Variants in SLC36A1 observed in about 807,000 individuals in gnomAD.
SLC36A1 encodes proton-coupled amino acid transporter 1.
Under a neutral mutation model 47.5 loss-of-function variants are expected in SLC36A1, and 30 were observed. The ratio of observed to expected loss-of-function variants is 0.63; its 90% CI spans 0.47 to 0.86. The LOEUF is 0.86. Among genes scored for constraint, SLC36A1 ranks in the 40% least tolerant of loss-of-function variants. The pLI, the probability that SLC36A1 is intolerant of heterozygous loss-of-function variation, is 0.00. For missense variants in SLC36A1, 517 were observed against 606.0 expected, an observed-to-expected ratio of 0.85 and a Z score of 1.54; for synonymous variants, 255 against 249.7, an observed-to-expected ratio of 1.02 and a Z score of -0.20.
chr5:151,552,682 G>C, the SLC36A1 span, among the ~76,000 whole-genome samples: 3 of 152,222 alleles, frequency 2.0e-5, no homozygotes, highest in African/African-American at 7.2e-5. Context: ...TAGAGACAGA[G>C]AGGAATTTCA....
At chr5:151,538,822 G>A in the SLC36A1 span, among the ~76,000 whole-genome samples, 2 of 151,732 alleles carry the variant, frequency 1.3e-5, no homozygotes, top group Non-Finnish European at 2.9e-5. Flanking sequence ...GAGTACAGGT[G>A]CGTGCCACCA....
the SLC36A1 span, among the ~76,000 whole-genome samples, chr5:151,356,389 G>A: frequency 7.5e-6 from 1 of 133,762 alleles, no homozygotes; most frequent in African/African-American, 2.7e-5. Context: ...TAAAGTGCTA[G>A]AAGAAAAGTG....
At chr5:151,469,200 C>T (rs1488623548) in intron 7 of SLC36A1, 2 of 690,514 alleles carry the variant, frequency 2.9e-6, no homozygotes, top group East Asian at 2.7e-5. Flanking sequence ...CACCCCGAGT[C>T]TCCTCTCAGG....
the SLC36A1 span, among the ~76,000 whole-genome samples, chr5:151,405,540 G>T: frequency 6.6e-6 from 1 of 151,760 alleles, no homozygotes; most frequent in Non-Finnish European, 1.5e-5. Context: ...CAGCTTTCTT[G>T]CCGTTCTATA....
At chr5:151,436,152 C>T (rs557650306), upstream of SLC36A1, among the ~76,000 whole-genome samples, 1 of 152,084 alleles carries the variant, frequency 6.6e-6, no homozygotes, top group Admixed American at 6.5e-5. Context: ...ATGCACAGAT[C>T]TTAAGTGTAC....
chr5:151,479,646 C>G, intron 10 of SLC36A1, 157 bp downstream of exon 10: 1 of 697,520 alleles, frequency 1.4e-6, no homozygotes, highest in Admixed American at 2.9e-5. Flanking sequence ...TGAGGCACCT[C>G]CAGATGGGGA....
chr5:151,542,350 G>A, the SLC36A1 span: 15 of 1,613,912 alleles, frequency 9.3e-6, no homozygotes, highest in Middle Eastern at 1.7e-4. Flanking sequence ...CTTTAGAGTC[G>A]CCACCAGTTC....
At chr5:151,512,826 G>C in the SLC36A1 span, 4 of 572,356 alleles carry the variant, frequency 7.0e-6, no homozygotes, top group East Asian at 8.7e-5. This position sits in a 1 kb window ranked among gnomAD's most constrained non-coding sequence, Gnocchi z 4.1. Context: ...GGTCTGGGTA[G>C]GGGGTGACAT....
At chr5:151,385,393 C>G in the SLC36A1 span, among the ~76,000 whole-genome samples, 1 of 152,208 alleles carries the variant, frequency 6.6e-6, no homozygotes, top group Admixed American at 6.5e-5. Context: ...ATTTTTAAAC[C>G]TTGTTCTTTG....
chr5:151,473,814 C>T (rs2127517122), intron 8 of SLC36A1, 43 bp downstream of exon 8: 1 of 1,407,006 alleles, frequency 7.1e-7, no homozygotes. Flanking sequence ...CTCTGGTGCC[C>T]TTGGTGTTCT....
the SLC36A1 span, chr5:151,529,445 G>A: frequency 1.4e-5 from 22 of 1,520,444 alleles, no homozygotes; most frequent in African/African-American, 6.8e-5. Flanking sequence ...CCTCAAAGGC[G>A]CAGGACTGAG....
chr5:151,466,927 G>C (rs1055487269), intron 5 of SLC36A1, among the ~76,000 whole-genome samples: 2 of 152,146 alleles, frequency 1.3e-5, no homozygotes, highest in African/African-American at 4.8e-5. Context: ...TCTCCTGCCA[G>C]GGCATCTCGT....
the SLC36A1 span, among the ~76,000 whole-genome samples, chr5:151,362,990 C>T: frequency 6.6e-6 from 1 of 152,140 alleles, no homozygotes; most frequent in African/African-American, 2.4e-5. Context: ...ACTGTTATTT[C>T]TTGTGGATGT....
At position 151,462,149 on chromosome 5, in the gene SLC36A1, C is replaced by T. The variant is rs1755613713; in HGVS notation, c.144-1404C>T. 2.0e-5 allele frequency among the ~76,000 whole-genome samples: 3 copies of T among 151,958 alleles called. No individual in the cohort carries two copies. The South Asian group carries it at 6.2e-4, about 32-fold the overall frequency. On this transcript the variant is annotated intron_variant, in intron 2 of 10. Transcript: ENST00000243389. Reference sequence around the variant, plus strand: ...TTCAAGCAAAATTAGGAAAAAAAACCAACTTGTATCCAGTACCATGAGCTT... The same window carrying T: ...TTCAAGCAAAATTAGGAAAAAAAACTAACTTGTATCCAGTACCATGAGCTT...
upstream of SLC36A1, among the ~76,000 whole-genome samples, chr5:151,443,397 G>A (rs773509223): frequency 6.6e-6 from 1 of 151,942 alleles, no homozygotes; most frequent in Non-Finnish European, 1.5e-5. Context: ...TAATGATTTT[G>A]GTTTGCATCT....
At chr5:151,495,622 C>T (rs73798907), downstream of SLC36A1, among the ~76,000 whole-genome samples, 2,398 of 152,152 alleles carry the variant, frequency 0.016, 56 homozygotes, top group African/African-American at 0.055. Flanking sequence ...CTAACTGTAC[C>T]GTCACCTCAA....
At chr5:151,499,723 C>T in the SLC36A1 span, among the ~76,000 whole-genome samples, 1 of 151,902 alleles carries the variant, frequency 6.6e-6, no homozygotes, top group African/African-American at 2.4e-5. Flanking sequence ...GAAAACCACC[C>T]CTGTAACAAC....
At chr5:151,481,786 G>A (rs1758833966) in intron 10 of SLC36A1, among the ~76,000 whole-genome samples, 1 of 152,088 alleles carries the variant, frequency 6.6e-6, no homozygotes, top group African/African-American at 2.4e-5. Context: ...ATAGGATAGT[G>A]CTCATTTTGT....
chr5:151,461,643 T>C (rs1000908814), intron 2 of SLC36A1, among the ~76,000 whole-genome samples: 2 of 152,230 alleles, frequency 1.3e-5, no homozygotes, highest in Non-Finnish European at 2.9e-5. Flanking sequence ...TTTGCACTTA[T>C]AATGTAGAAG....
Sources: allele counts gnomAD v4.1 joint callset (sites outside exome capture counted in the v4.1 genomes callset), GRCh38; gene constraint gnomAD v4.1.1; non-coding constraint Gnocchi (gnomAD v3.1); transcripts MANE v1.5; gene names NCBI Gene and HGNC (gene_info 2026-07-23, HGNC 2026-07-21).